OR1J2: variants seen among roughly 807,000 people sequenced by gnomAD.
OR1J2 encodes the protein olfactory receptor 1J2.
For synonymous variants in OR1J2, 142 were observed against 99.7 expected, an observed-to-expected ratio of 1.42 and a Z score of -2.52; for missense variants, 304 against 246.1, an observed-to-expected ratio of 1.24 and a Z score of -1.57.
the OR1J2 span, among the ~76,000 whole-genome samples, chr9:122,525,744 G>A: frequency 1.3e-5 from 2 of 152,110 alleles, no homozygotes; most frequent in African/African-American, 4.8e-5. Context: ...CCGTGGGGTG[G>A]GCAACCCGCA....
the OR1J2 span, among the ~76,000 whole-genome samples, chr9:122,572,133 C>G: frequency 2.6e-5 from 4 of 152,138 alleles, no homozygotes; most frequent in African/African-American, 9.7e-5. Flanking sequence ...AAAACTCACT[C>G]ACTAACATGA....
the OR1J2 span, among the ~76,000 whole-genome samples, chr9:122,536,031 C>A: frequency 2.7e-4 from 41 of 152,162 alleles, no homozygotes; most frequent in South Asian, 1.9e-3. Context: ...CAGGAACAGG[C>A]CATTTTCACT....
chr9:122,530,100 G>A, the OR1J2 span, among the ~76,000 whole-genome samples: 2 of 152,140 alleles, frequency 1.3e-5, no homozygotes, highest in African/African-American at 4.8e-5. Flanking sequence ...GTTAAGGGAG[G>A]GATGGAGAGA....
At chr9:122,572,298 C>T in the OR1J2 span, among the ~76,000 whole-genome samples, 1 of 152,132 alleles carries the variant, frequency 6.6e-6, no homozygotes, top group African/African-American at 2.4e-5. Flanking sequence ...AAGTGAGATA[C>T]CATGTCTGAA....
At chr9:122,463,008 C>G in the OR1J2 span, among the ~76,000 whole-genome samples, 1 of 152,204 alleles carries the variant, frequency 6.6e-6, no homozygotes, top group Admixed American at 6.5e-5. Context: ...ATTATTCTCT[C>G]AAATATATTT....
the OR1J2 span, chr9:122,552,978 A>G: frequency 1.8e-6 from 1 of 560,636 alleles, no homozygotes; most frequent in Admixed American, 3.3e-5. Flanking sequence ...CATACAAAGC[A>G]CAATTGAGAT....
At chr9:122,525,099 G>T in the OR1J2 span, among the ~76,000 whole-genome samples, 2 of 152,162 alleles carry the variant, frequency 1.3e-5, no homozygotes, top group Admixed American at 6.5e-5. Flanking sequence ...CTCCAGCTCT[G>T]GTTACATGAC....
the OR1J2 span, among the ~76,000 whole-genome samples, chr9:122,549,975 T>G: frequency 1.3e-5 from 2 of 152,176 alleles, no homozygotes; most frequent in African/African-American, 4.8e-5. Flanking sequence ...ACAATATTGA[T>G]TCTTCCAATC....
the OR1J2 span, among the ~76,000 whole-genome samples, chr9:122,522,039 C>T: frequency 1.3e-5 from 2 of 152,136 alleles, no homozygotes; most frequent in Non-Finnish European, 2.9e-5. Flanking sequence ...TGGGGTGCAC[C>T]GTATTGATTT....
the OR1J2 span, among the ~76,000 whole-genome samples, chr9:122,549,031 G>T: frequency 1.3e-5 from 2 of 151,994 alleles, no homozygotes. Context: ...TGTTAGTCAT[G>T]AATTATTTGC....
the OR1J2 span, among the ~76,000 whole-genome samples, chr9:122,564,870 A>G: frequency 6.6e-6 from 1 of 152,238 alleles, no homozygotes. Context: ...GCCCCATGTC[A>G]TAATCAAGTT....
At chr9:122,472,822 C>T in the OR1J2 span, among the ~76,000 whole-genome samples, 1 of 152,112 alleles carries the variant, frequency 6.6e-6, no homozygotes, top group Non-Finnish European at 1.5e-5. Context: ...GTTAACCAAC[C>T]TTTGTGCTGC....
At chr9:122,516,799 T>G in the OR1J2 span, among the ~76,000 whole-genome samples, 3 of 152,160 alleles carry the variant, frequency 2.0e-5, no homozygotes, top group Non-Finnish European at 4.4e-5. Context: ...AATAGTGAGA[T>G]ATCTGAGCCA....
the OR1J2 span, among the ~76,000 whole-genome samples, chr9:122,496,505 T>C: frequency 6.6e-6 from 1 of 152,096 alleles, no homozygotes; most frequent in African/African-American, 2.4e-5. Flanking sequence ...ATCCCAAATA[T>C]CTGAGACGGT....
the OR1J2 span, among the ~76,000 whole-genome samples, chr9:122,538,510 A>T: frequency 9.9e-5 from 15 of 152,204 alleles, no homozygotes; most frequent in Non-Finnish European, 2.1e-4. Flanking sequence ...GAAGTCGCTT[A>T]TCAGATCGGT....
chr9:122,512,890 G>T (rs1828656716), downstream of OR1J2, among the ~76,000 whole-genome samples: 1 of 152,130 alleles, frequency 6.6e-6, no homozygotes, highest in Non-Finnish European at 1.5e-5. Context: ...AGGTTCACGT[G>T]AGCTATAATA....
the OR1J2 span, among the ~76,000 whole-genome samples, chr9:122,552,104 C>A: frequency 8.6e-5 from 13 of 151,920 alleles, no homozygotes; most frequent in South Asian, 8.3e-4. Flanking sequence ...TATACACCTT[C>A]CTTCCCAGTT....
At chr9:122,519,146 GA>G in the OR1J2 span, 1 of 1,591,310 alleles carries the variant, frequency 6.3e-7, no homozygotes, top group East Asian at 2.3e-5. Flanking sequence ...TCAGCATGAA[GA>G]GGGAGAATCA....
the OR1J2 span, chr9:122,448,875 C>T: frequency 6.7e-6 from 1 of 150,310 alleles, no homozygotes; most frequent in Non-Finnish European, 1.5e-5. Context: ...TTATGTCTTC[C>T]TTTCTACATA....
Sources: gnomAD v4.1 joint callset for allele counts (sites outside exome capture counted in the v4.1 genomes callset) on GRCh38, gnomAD v4.1.1 for gene constraint, MANE v1.5 for transcripts, NCBI Gene and HGNC (gene_info 2026-07-23, HGNC 2026-07-21) for gene names.